The following CD99 variants were observed in gnomAD, a reference collection of about 807,000 sequenced individuals.
CD99 encodes the protein CD99 antigen.
A neutral mutation model predicts 28.4 loss-of-function variants in CD99; 19 were observed. That is an observed-to-expected ratio of 0.67 (90% CI 0.47 to 0.98). The LOEUF (loss-of-function observed/expected upper bound fraction) is 0.98, where lower values mean the gene tolerates loss of function less well. Ranked by LOEUF, CD99 falls within the 50% of genes least tolerant of loss-of-function variation. The pLI, the probability that CD99 is intolerant of heterozygous loss-of-function variation, is 0.00. For synonymous variants in CD99, 103 were observed against 92.1 expected (o/e 1.12, Z -0.67); for missense variants, 283 against 248.8 (o/e 1.14, Z -0.92).
At chrX:2,709,197 G>T (rs1479086184) in intron 1 of CD99, among the ~76,000 whole-genome samples, 4 of 74,342 alleles carry the variant, frequency 5.4e-5, no homozygotes, top group Non-Finnish European at 2.0e-4. Context: ...ACATACACAG[G>T]CACATACATG....
intron 1 of CD99, among the ~76,000 whole-genome samples, chrX:2,692,734 G>T (rs1451635147): frequency 6.6e-6 from 1 of 152,170 alleles, no homozygotes; most frequent in African/African-American, 2.4e-5. Flanking sequence ...AGCTGCATTT[G>T]TTCCCCAGGC....
intron 7 of CD99, among the ~76,000 whole-genome samples, chrX:2,725,954 C>T (rs765187954): frequency 3.3e-5 from 5 of 152,204 alleles, no homozygotes; most frequent in Admixed American, 2.6e-4. Flanking sequence ...TTTGTCTCTG[C>T]CTTGGTTCTG....
At chrX:2,712,406 G>A (rs149184188) in intron 1 of CD99, among the ~76,000 whole-genome samples, 4,394 of 144,368 alleles carry the variant, frequency 0.03, 160 homozygotes, top group East Asian at 0.14. Flanking sequence ...AATAGGCGAG[G>A]TAAGATGTAA....
intron 8 of CD99, among the ~76,000 whole-genome samples, chrX:2,730,076 C>T (rs1310284950): frequency 6.6e-6 from 1 of 152,178 alleles, no homozygotes; most frequent in African/African-American, 2.4e-5. Flanking sequence ...ATTGCTTGAG[C>T]CCAGGAATTG....
At chrX:2,707,734 C>T (rs1247636128) in intron 1 of CD99, among the ~76,000 whole-genome samples, 1 of 152,204 alleles carries the variant, frequency 6.6e-6, no homozygotes, top group Non-Finnish European at 1.5e-5. Flanking sequence ...AGGCTGAATG[C>T]CGTAAACGTG....
At chrX:2,725,648 C>G (rs757941766) in intron 7 of CD99, among the ~76,000 whole-genome samples, 9 of 152,242 alleles carry the variant, frequency 5.9e-5, no homozygotes, top group African/African-American at 2.2e-4. Flanking sequence ...GTGAATTGCT[C>G]TGTCGCCCAG....
At chrX:2,697,177 AAT>A (rs1365771611) in intron 1 of CD99, among the ~76,000 whole-genome samples, 1 of 152,084 alleles carries the variant, frequency 6.6e-6, no homozygotes. Context: ...GCTGAGATAT[AAT>A]ATATGTTTGT....
chrX:2,695,993 G>A (rs2047557847), intron 1 of CD99, among the ~76,000 whole-genome samples: 2 of 152,064 alleles, frequency 1.3e-5, no homozygotes, highest in Admixed American at 6.6e-5. Context: ...CCAAAGACAG[G>A]GAAAAACAAA....
chrX:2,696,623 G>A lies in CD99; in HGVS notation c.67+5196G>A, dbSNP rs2047589065. 2.0e-5 allele frequency among the ~76,000 whole-genome samples: 3 copies of A among 151,948 alleles called. 1 individual carries two copies. Among genetic ancestry groups the A allele is most frequent in the South Asian group, 4.2e-4 (2 of 4,808 alleles). The stretch of plus-strand genomic sequence containing the variant: ...TCACCATCTTGGCCAGGCTGGTTTC[G>A]AACTCCTGACCTCAGGTGATCCGCC... On this transcript the variant is annotated intron_variant, in intron 1 of 9. Transcript: ENST00000381192.
intron 1 of CD99, among the ~76,000 whole-genome samples, chrX:2,709,582 CCA>C (rs1260348667): frequency 6.6e-6 from 1 of 152,280 alleles, no homozygotes; most frequent in African/African-American, 2.4e-5. Context: ...CACCATACAC[CCA>C]CACATACGTG....
intron 1 of CD99, among the ~76,000 whole-genome samples, chrX:2,699,904 G>T (rs1481370385): frequency 2.6e-5 from 4 of 152,186 alleles, no homozygotes; most frequent in Admixed American, 2.6e-4. Context: ...CTATGCCATG[G>T]ATTACATTTT....
At chrX:2,737,399 A>G (rs1201464604) in intron 8 of CD99, among the ~76,000 whole-genome samples, 2 of 99,932 alleles carry the variant, frequency 2.0e-5, no homozygotes, top group Non-Finnish European at 3.9e-5. Context: ...GATGGGCTCG[A>G]TCTCTTGACC....
chrX:2,731,406 A>G (rs1475210960), intron 8 of CD99, among the ~76,000 whole-genome samples: 2 of 152,322 alleles, frequency 1.3e-5, no homozygotes, highest in African/African-American at 2.4e-5. Context: ...CCTGGCCAAC[A>G]TGGTGAAACC....
At chrX:2,727,357 G>A (rs1453937572) in intron 8 of CD99, 1 of 778,574 alleles carries the variant, frequency 1.3e-6, no homozygotes, top group East Asian at 2.4e-5. Flanking sequence ...AGTAAGCCCT[G>A]CTATTTGGAA....
intron 1 of CD99, among the ~76,000 whole-genome samples, chrX:2,696,184 G>A (rs1210071191): frequency 1.3e-5 from 2 of 152,180 alleles, no homozygotes; most frequent in African/African-American, 4.8e-5. Context: ...CAACAAAATG[G>A]CAGAGAAAGG....
chrX:2,724,899 A>G (rs1181967906), intron 7 of CD99, among the ~76,000 whole-genome samples: 3 of 143,958 alleles, frequency 2.1e-5, no homozygotes, highest in Admixed American at 6.9e-5. Context: ...CTGCATTTCA[A>G]AAAAAAAAAA....
At chrX:2,717,491 C>A in intron 2 of CD99, 114 bp from the exon 3 acceptor site, 1 of 873,176 alleles carries the variant, frequency 1.1e-6, no homozygotes, top group Non-Finnish European at 1.9e-6. Context: ...AAAAACAATG[C>A]TAAAAACATT....
intron 1 of CD99, among the ~76,000 whole-genome samples, chrX:2,701,750 CG>C (rs2047873893): frequency 6.6e-6 from 1 of 152,182 alleles, no homozygotes. Flanking sequence ...GACAGCTGTG[CG>C]GGGACGCTTA....
chrX:2,695,313 C>G (rs2047521234), intron 1 of CD99, among the ~76,000 whole-genome samples: 1 of 152,054 alleles, frequency 6.6e-6, no homozygotes, highest in Non-Finnish European at 1.5e-5. Context: ...TCAAGCAGTT[C>G]TCCTGCCTCA....
Sources: gnomAD v4.1 joint callset for allele counts (sites outside exome capture counted in the v4.1 genomes callset) on GRCh38, gnomAD v4.1.1 for gene constraint, MANE v1.5 for transcripts, NCBI Gene and HGNC (gene_info 2026-07-23, HGNC 2026-07-21) for gene names.